The following MAPKAP1 variants were observed in gnomAD, a reference collection of about 807,000 sequenced individuals.
The protein encoded by MAPKAP1 is MAPK associated protein 1, also known as target of rapamycin complex 2 subunit MAPKAP1.
In MAPKAP1, 20 loss-of-function variants were observed where a neutral mutation model predicts 65.7. The ratio of observed to expected loss-of-function variants is 0.30; its 90% CI spans 0.21 to 0.44. The LOEUF is 0.44. Ranked by LOEUF, MAPKAP1 falls within the 20% of genes least tolerant of loss-of-function variation. The probability of loss-of-function intolerance (pLI) is 1.00; values close to 1 mark genes in which losing one functional copy is unlikely to be tolerated. For missense variants in MAPKAP1, 423 were observed against 648.0 expected, an observed-to-expected ratio of 0.65 and a Z score of 3.77; for synonymous variants, 222 against 244.3, an observed-to-expected ratio of 0.91 and a Z score of 0.85.
chr9:125,609,420 G>A (rs140725878), intron 4 of MAPKAP1, among the ~76,000 whole-genome samples: 202 of 152,304 alleles, frequency 1.3e-3, no homozygotes, highest in African/African-American at 4.7e-3. Context: ...TCCCACTCTC[G>A]GAATGCTAAG....
chr9:125,551,551 T>C (rs1429150633), intron 6 of MAPKAP1, among the ~76,000 whole-genome samples: 1 of 152,112 alleles, frequency 6.6e-6, no homozygotes, highest in Non-Finnish European at 1.5e-5. Context: ...TCCTCTAATA[T>C]ATCAAATATT....
At chr9:125,663,975 G>A (rs1056089956) in intron 3 of MAPKAP1, among the ~76,000 whole-genome samples, 2 of 152,186 alleles carry the variant, frequency 1.3e-5, no homozygotes, top group African/African-American at 2.4e-5. Flanking sequence ...ATGAGAATGT[G>A]TATCAGAACT....
chr9:125,565,739 T>C (rs868032821), intron 5 of MAPKAP1: 4 of 200,274 alleles, frequency 2.0e-5, no homozygotes, highest in Non-Finnish European at 3.8e-5. Context: ...GTTTCTCTCC[T>C]GCAAAAAAAA....
chr9:125,488,972 TA>T (rs1337803577), intron 8 of MAPKAP1, among the ~76,000 whole-genome samples: 1 of 152,250 alleles, frequency 6.6e-6, no homozygotes, highest in Non-Finnish European at 1.5e-5. Context: ...TTTGCATGTA[TA>T]CGTTTACTGT....
intron 8 of MAPKAP1, among the ~76,000 whole-genome samples, chr9:125,501,080 C>T (rs1324696911): frequency 6.6e-6 from 1 of 152,158 alleles, no homozygotes; most frequent in Non-Finnish European, 1.5e-5. Context: ...CATTGTCTCA[C>T]TATACGATCT....
chr9:125,613,043 G>C (rs1373539547), intron 4 of MAPKAP1, among the ~76,000 whole-genome samples: 1 of 152,208 alleles, frequency 6.6e-6, no homozygotes, highest in Non-Finnish European at 1.5e-5. Context: ...GACCAGCCAA[G>C]ATGCTAACTA....
chr9:125,577,129 G>A (rs1209633098), intron 5 of MAPKAP1, among the ~76,000 whole-genome samples: 1 of 151,886 alleles, frequency 6.6e-6, no homozygotes. Flanking sequence ...TCTCTGCCCG[G>A]CCGCCCATCG....
intron 7 of MAPKAP1, among the ~76,000 whole-genome samples, chr9:125,522,569 A>G (rs1438151591): frequency 1.3e-5 from 2 of 152,118 alleles, no homozygotes; most frequent in Non-Finnish European, 2.9e-5. Context: ...TGCAGACTCT[A>G]CCCACTTAAT....
At chr9:125,571,857 C>G (rs1166159181) in intron 5 of MAPKAP1, among the ~76,000 whole-genome samples, 4 of 152,040 alleles carry the variant, frequency 2.6e-5, no homozygotes, top group East Asian at 1.9e-4. Context: ...GAGCGAGACT[C>G]TATCTCAAAA....
intron 4 of MAPKAP1, among the ~76,000 whole-genome samples, chr9:125,647,307 C>A (rs1441109262): frequency 6.6e-6 from 1 of 152,084 alleles, no homozygotes; most frequent in Non-Finnish European, 1.5e-5. Context: ...AGTTGCAAGC[C>A]TCAAAGAATA....
At chr9:125,568,929 C>A in intron 5 of MAPKAP1, 1 of 174,672 alleles carries the variant, frequency 5.7e-6, no homozygotes. Context: ...AAAAAAAAAT[C>A]AGCGTTTATC....
chr9:125,639,391 G>A (rs931135848), intron 4 of MAPKAP1, among the ~76,000 whole-genome samples: 2 of 152,128 alleles, frequency 1.3e-5, no homozygotes, highest in Admixed American at 6.5e-5. Flanking sequence ...CTCACTGCGG[G>A]GGTTATCATC....
chr9:125,647,172 T>C (rs1240963070), intron 4 of MAPKAP1, among the ~76,000 whole-genome samples: 2 of 152,340 alleles, frequency 1.3e-5, no homozygotes, highest in South Asian at 4.1e-4. Context: ...TTTTGCAAAT[T>C]TCCTAAACTT....
chr9:125,506,231 A>G (rs1375350142), intron 8 of MAPKAP1, 79 bp downstream of exon 8: 1 of 1,210,368 alleles, frequency 8.3e-7, no homozygotes, highest in African/African-American at 1.5e-5. Context: ...AAACCAGACC[A>G]GTGAGCGTTT....
intron 8 of MAPKAP1, among the ~76,000 whole-genome samples, chr9:125,488,218 G>C (rs1203782788): frequency 1.3e-5 from 2 of 152,206 alleles, no homozygotes; most frequent in African/African-American, 2.4e-5. Flanking sequence ...GGGCATGTCT[G>C]TGTTTATGAT....
At chr9:125,494,548 C>T (rs1172907621) in intron 8 of MAPKAP1, among the ~76,000 whole-genome samples, 2 of 152,116 alleles carry the variant, frequency 1.3e-5, no homozygotes, top group African/African-American at 4.8e-5. Context: ...CAGAAAGAAA[C>T]AGTTTCAGGT....
chr9:125,549,487 T>C (rs1013990727), intron 6 of MAPKAP1, among the ~76,000 whole-genome samples: 3 of 152,254 alleles, frequency 2.0e-5, no homozygotes, highest in African/African-American at 7.2e-5. Context: ...CTAGTGTGAA[T>C]GCCACATTTT....
At chr9:125,444,329 C>A (rs777201627) in intron 11 of MAPKAP1, among the ~76,000 whole-genome samples, 172 bp downstream of exon 11, 8 of 152,230 alleles carry the variant, frequency 5.3e-5, no homozygotes, top group Non-Finnish European at 1.2e-4. Context: ...GGCCCTGGCA[C>A]AGGCACTCAC....
At chr9:125,462,078 T>C (rs1853516940) in intron 10 of MAPKAP1, among the ~76,000 whole-genome samples, 1 of 152,220 alleles carries the variant, frequency 6.6e-6, no homozygotes, top group South Asian at 2.1e-4. Context: ...GGAACTAGAA[T>C]GCCTATCACA....
Sources: allele counts gnomAD v4.1 joint callset (sites outside exome capture counted in the v4.1 genomes callset), GRCh38; gene constraint gnomAD v4.1.1; transcripts MANE v1.5; gene names NCBI Gene and HGNC (gene_info 2026-07-23, HGNC 2026-07-21).